The following ENTPD7 variants were observed in gnomAD, a reference collection of about 807,000 sequenced individuals.
ENTPD7 encodes ectonucleoside triphosphate diphosphohydrolase 7, also known as NTPDase 7.
Under a neutral mutation model 77.9 loss-of-function variants are expected in ENTPD7, and 53 were observed. That is an observed-to-expected ratio of 0.68 (90% confidence interval 0.55 to 0.85). ENTPD7 has a LOEUF of 0.85. ENTPD7 is among the 40% of genes least tolerant of loss of function. The probability of loss-of-function intolerance (pLI) is 0.00; values close to 1 mark genes in which losing one functional copy is unlikely to be tolerated. For synonymous variants in ENTPD7, 248 were observed against 274.9 expected, an observed-to-expected ratio of 0.90 and a Z score of 0.97; for missense variants, 636 against 743.7, an observed-to-expected ratio of 0.86 and a Z score of 1.68.
At chr10:99,674,142 GA>G (rs2035651958) in intron 3 of ENTPD7, among the ~76,000 whole-genome samples, 1 of 152,232 alleles carries the variant, frequency 6.6e-6, no homozygotes, top group Admixed American at 6.5e-5. Context: ...GGAGACAGGA[GA>G]GGGGAAGGAG....
intron 10 of ENTPD7, among the ~76,000 whole-genome samples, chr10:99,700,393 CGTGT>C (rs1274032554): frequency 9.7e-6 from 1 of 103,598 alleles, no homozygotes; most frequent in Non-Finnish European, 1.9e-5. Flanking sequence ...TCCAACGTAC[CGTGT>C]GTGTGTGTGT....
intron 8 of ENTPD7, among the ~76,000 whole-genome samples, chr10:99,693,282 A>G (rs181768453): frequency 6.6e-6 from 1 of 152,306 alleles, no homozygotes; most frequent in Admixed American, 6.5e-5. Context: ...TAATGACTTC[A>G]ATTTTGGATA....
intron 4 of ENTPD7, 79 bp from the exon 5 acceptor site, chr10:99,679,646 T>C: frequency 1.3e-6 from 2 of 1,520,824 alleles, no homozygotes; most frequent in Non-Finnish European, 1.8e-6. Flanking sequence ...AGGAGAACTT[T>C]ATAGGGTATC....
intron 3 of ENTPD7, among the ~76,000 whole-genome samples, chr10:99,664,599 G>A (rs1363935677): frequency 6.6e-6 from 1 of 151,792 alleles, no homozygotes; most frequent in African/African-American, 2.4e-5. Flanking sequence ...GCAGGCACAT[G>A]CCACCATGCC....
chr10:99,694,570 CTT>C (rs959534270), intron 8 of ENTPD7, among the ~76,000 whole-genome samples: 16 of 133,974 alleles, frequency 1.2e-4, no homozygotes, highest in Non-Finnish European at 1.2e-4. Flanking sequence ...GGGTTTCACT[CTT>C]GTCACTCAGG....
At position 99,685,852 on chromosome 10, in the gene ENTPD7, CTT is replaced by C; in HGVS notation, c.612_613del (p.Ser205ThrfsTer32). 1 of 1,613,936 alleles carries C rather than the reference CTT, an allele frequency of 6.2e-7. No homozygotes were observed. The highest frequency in any genetic ancestry group is 1.3e-5 in the African/African-American group (1 of 74,984). On this transcript the variant is annotated frameshift_variant, in exon 6 of 13. Transcript: ENST00000370489. LOFTEE classifies it high-confidence loss of function. ...ATTTACCACTGGAGTTTGACTTCCT[CTT>C]TTCACAGTCTCAAGCAGAAGTGATC... ...KDLPLEFDFL[F>X]SQSQAEVISG...
chr10:99,709,758 C>A lies in ENTPD7; in HGVS notation c.*5075C>A. On this transcript the variant is annotated 3_prime_UTR_variant, in exon 13 of 13. Coordinates refer to ENST00000370489, the MANE Select transcript of ENTPD7 (RefSeq NM_020354.5). ...TCTGTCTACTTATCTTCCTTATATC[C>A]TAATAGACTTCTCTTGTGTTATTAC... 1.0e-6 allele frequency: 1 copy of A among 985,312 alleles called. No individual in the cohort carries two copies. The highest frequency in any genetic ancestry group is 1.2e-6 in the Non-Finnish European group (1 of 829,848). The allele number at this position is 985,312 out of a possible 1,614,324, so 61.0% of individuals were successfully genotyped here. A position where few individuals can be genotyped will look rare whatever the true frequency, so the allele number is the denominator to read the frequency against.
intron 12 of ENTPD7, 49 bp downstream of exon 12, chr10:99,702,722 T>C (rs368552180): frequency 3.0e-5 from 46 of 1,510,150 alleles, no homozygotes; most frequent in Non-Finnish European, 3.9e-5. Flanking sequence ...AGGATATCAG[T>C]TGATGCCTCA....
chr10:99,686,289 G>T (rs2035810194), intron 6 of ENTPD7, among the ~76,000 whole-genome samples: 1 of 152,040 alleles, frequency 6.6e-6, no homozygotes, highest in Admixed American at 6.5e-5. Flanking sequence ...TAATTCCAAG[G>T]GATGATCAGA....
At chr10:99,662,067 G>A (rs543883248) in intron 3 of ENTPD7, among the ~76,000 whole-genome samples, 1 of 152,262 alleles carries the variant, frequency 6.6e-6, no homozygotes, top group East Asian at 1.9e-4. Context: ...GCCTATTGGT[G>A]TCTTTATATA....
chr10:99,675,883 A>G (rs2035675907), intron 3 of ENTPD7, among the ~76,000 whole-genome samples: 1 of 152,150 alleles, frequency 6.6e-6, no homozygotes, highest in Admixed American at 6.5e-5. Context: ...GGCATGAGCC[A>G]CTGCGCCCAA....
At chr10:99,701,721 T>C (rs1182153152) in intron 11 of ENTPD7, among the ~76,000 whole-genome samples, 1 of 152,136 alleles carries the variant, frequency 6.6e-6, no homozygotes, top group African/African-American at 2.4e-5. Flanking sequence ...TATGGTTCAT[T>C]GGTCCTTTCA....
chr10:99,699,003 A>T lies in ENTPD7; in HGVS notation c.1335+145A>T, dbSNP rs1046385506. ...AGCCCTTTGAACACTCATTTTACAG[A>T]TGAGGAAGTGGACAGAGAACTTAAG... On this transcript the variant is annotated intron_variant, in intron 10 of 12. Coordinates refer to ENST00000370489, the MANE Select transcript of ENTPD7 (RefSeq NM_020354.5). The T allele has an allele frequency of 5.5e-6, 4 of 722,924 alleles. No individual in the cohort carries two copies. The African/African-American group carries it at 7.1e-5, about 13-fold the overall frequency. 44.8% of individuals were successfully genotyped at this position (722,924 alleles called of 1,614,324 possible).
intron 5 of ENTPD7, among the ~76,000 whole-genome samples, chr10:99,684,778 A>T (rs1215397757): frequency 6.6e-6 from 1 of 152,168 alleles, no homozygotes; most frequent in African/African-American, 2.4e-5. Context: ...TTGCTTGATA[A>T]TATTGATTAC....
At chr10:99,704,023 G>T (rs1205799291) in intron 12 of ENTPD7, among the ~76,000 whole-genome samples, 1 of 152,170 alleles carries the variant, frequency 6.6e-6, no homozygotes, top group Non-Finnish European at 1.5e-5. Flanking sequence ...ACTGCACTTG[G>T]CTGCATAGCA....
intron 3 of ENTPD7, among the ~76,000 whole-genome samples, chr10:99,661,864 A>T (rs1049063866): frequency 2.0e-5 from 3 of 152,160 alleles, no homozygotes; most frequent in African/African-American, 7.2e-5. Flanking sequence ...GCTGAAACTT[A>T]TTGTGTGTAT....
rs1256149738 is a variant in ENTPD7 at position 99,704,713 on chromosome 10, AC to A, written c.*35del. On this transcript the variant is annotated 3_prime_UTR_variant, in exon 13 of 13. Coordinates refer to ENST00000370489, the MANE Select transcript of ENTPD7 (RefSeq NM_020354.5). ...GGACCAGGACTAGAGAAGCTTGAGC[AC>A]CCCCGAGTTGCTGCTCATTGAATTC... 2 of 1,583,540 alleles carry A rather than the reference AC, an allele frequency of 1.3e-6. No homozygotes were observed. Among genetic ancestry groups the A allele is most frequent in the South Asian group, 2.2e-5 (2 of 88,894 alleles).
intron 10 of ENTPD7, among the ~76,000 whole-genome samples, chr10:99,700,392 C>T (rs1590061070): frequency 7.3e-6 from 1 of 137,202 alleles, no homozygotes; most frequent in East Asian, 2.2e-4. Context: ...ATCCAACGTA[C>T]CGTGTGTGTG....
chr10:99,688,851 T>C (rs533361119), intron 7 of ENTPD7, 101 bp downstream of exon 7: 1 of 1,136,702 alleles, frequency 8.8e-7, no homozygotes, highest in African/African-American at 1.6e-5. Context: ...TTGTTTTTCT[T>C]TTTTCAAACA....
Sources: allele counts gnomAD v4.1 joint callset (sites outside exome capture counted in the v4.1 genomes callset), GRCh38; gene constraint gnomAD v4.1.1; transcripts MANE v1.5; gene names NCBI Gene and HGNC (gene_info 2026-07-23, HGNC 2026-07-21).